Variants in VPS13B observed in about 807,000 individuals in gnomAD.
VPS13B encodes intermembrane lipid transfer protein VPS13B.
Under a neutral mutation model 426.4 loss-of-function variants are expected in VPS13B, and 285 were observed. The ratio of observed to expected loss-of-function variants is 0.67; its 90% CI spans 0.61 to 0.74. VPS13B has a LOEUF of 0.74. Among genes scored for constraint, VPS13B ranks in the 30% least tolerant of loss-of-function variants. The pLI is 0.00. For synonymous variants in VPS13B, 1,676 were observed against 1,676.4 expected, an observed-to-expected ratio of 1.00 and a Z score of 0.01; for missense variants, 4,537 against 4,782.6, an observed-to-expected ratio of 0.95 and a Z score of 1.51.
intron 19 of VPS13B, among the ~76,000 whole-genome samples, chr8:99,284,838 G>A (rs1819351040): frequency 6.6e-6 from 1 of 152,142 alleles, no homozygotes; most frequent in Non-Finnish European, 1.5e-5. Context: ...TGGGCTTATA[G>A]GCGTGAGCCA....
At chr8:99,387,588 A>G (rs1183693926) in intron 20 of VPS13B, among the ~76,000 whole-genome samples, 1 of 152,150 alleles carries the variant, frequency 6.6e-6, no homozygotes, top group African/African-American at 2.4e-5. Context: ...ACTTAAAAAT[A>G]TACTTTAAAA....
At chr8:99,531,976 A>G (rs996912688) in intron 30 of VPS13B, among the ~76,000 whole-genome samples, 2 of 152,154 alleles carry the variant, frequency 1.3e-5, no homozygotes, top group African/African-American at 4.8e-5. Context: ...TTCATTTGTT[A>G]TAACAGAACT....
At position 99,102,987 on chromosome 8, in the gene VPS13B, T is replaced by G; in HGVS notation, c.447T>G (p.Asn149Lys). ...AGAGTCTGATTAGACGAGTTGTAAA[T>G]AATGTAAACATTGTGATAAATAATC... ...YVQSLIRRVVNNVNIVINNLI... is the reference protein window; with the variant it reads ...YVQSLIRRVVKNVNIVINNLI... Residue 149 changes from asparagine (N) to lysine (K), a missense_variant, in exon 5 of 62, where the codon AAT becomes AAG. Physicochemically the swap from Asn to Lys is moderately conservative, Grantham distance 94. Transcript: ENST00000357162. The G allele has an allele frequency of 6.2e-7, 1 of 1,611,914 alleles. No homozygotes were observed. The highest frequency in any genetic ancestry group is 8.5e-7 in the Non-Finnish European group (1 of 1,178,206).
intron 58 of VPS13B, 34 bp downstream of exon 58, chr8:99,861,980 C>G: frequency 1.3e-6 from 2 of 1,548,254 alleles, no homozygotes; most frequent in African/African-American, 1.4e-5. Context: ...CCTGTCTGTA[C>G]TCCAGCAGGC....
intron 29 of VPS13B, among the ~76,000 whole-genome samples, chr8:99,516,821 ATATG>A (rs1478614698): frequency 7.0e-6 from 1 of 141,912 alleles, no homozygotes; most frequent in Non-Finnish European, 1.5e-5. Context: ...AAAAAAAAGT[ATATG>A]TAAGTTGTTT....
chr8:99,090,565 G>A (rs994147956), intron 3 of VPS13B, among the ~76,000 whole-genome samples: 9 of 151,976 alleles, frequency 5.9e-5, no homozygotes, highest in African/African-American at 2.2e-4. Context: ...TGCCTGGCCT[G>A]ATTAACTCTT....
intron 25 of VPS13B, among the ~76,000 whole-genome samples, chr8:99,484,975 A>G (rs1359239502): frequency 1.3e-5 from 2 of 152,142 alleles, no homozygotes; most frequent in African/African-American, 4.8e-5. Flanking sequence ...GCAAATTTCT[A>G]TATACACAGG....
At chr8:99,476,792 G>C (rs1248353246) in intron 24 of VPS13B, among the ~76,000 whole-genome samples, 1 of 152,146 alleles carries the variant, frequency 6.6e-6, no homozygotes, top group Non-Finnish European at 1.5e-5. Flanking sequence ...TCTATCACCA[G>C]TAGGAACTGC....
chr8:99,676,170 C>T (rs1301204087), intron 35 of VPS13B, among the ~76,000 whole-genome samples: 1 of 151,960 alleles, frequency 6.6e-6, no homozygotes, highest in Non-Finnish European at 1.5e-5. Flanking sequence ...CCATGATTGC[C>T]ACAGCCATCA....
intron 24 of VPS13B, among the ~76,000 whole-genome samples, chr8:99,475,252 A>T (rs1819629299): frequency 1.3e-5 from 2 of 152,200 alleles, no homozygotes; most frequent in South Asian, 4.1e-4. Flanking sequence ...TTACAAAGGG[A>T]TATGAAGATA....
At chr8:99,875,016 T>G in intron 61 of VPS13B, 1 of 262,464 alleles carries the variant, frequency 3.8e-6, no homozygotes, top group Non-Finnish European at 7.4e-6. Flanking sequence ...AACAGAGCTT[T>G]TATTTCAGTG....
At chr8:99,780,127 A>G (rs1811940935) in intron 42 of VPS13B, among the ~76,000 whole-genome samples, 1 of 152,258 alleles carries the variant, frequency 6.6e-6, no homozygotes, top group Admixed American at 6.5e-5. Context: ...AGGGCATTCC[A>G]TGGTTTTCTT....
intron 17 of VPS13B, among the ~76,000 whole-genome samples, chr8:99,242,541 G>T (rs915566505): frequency 6.6e-6 from 1 of 152,080 alleles, no homozygotes; most frequent in African/African-American, 2.4e-5. Flanking sequence ...TCAAAATCAT[G>T]TTAACTTTCT....
Position 99,671,271 on chromosome 8 carries a change from T to A in VPS13B, c.6046+9780T>A, listed in dbSNP as rs533306107. Among the ~76,000 whole-genome samples the A allele has an allele frequency of 7.9e-5, 12 of 152,342 alleles. No individual in the cohort carries two copies. The East Asian group carries it at 2.3e-3, about 29-fold the overall frequency. On this transcript the variant is annotated intron_variant, in intron 35 of 61. Transcript: ENST00000357162. Reference sequence around the variant, plus strand: ...CTTTTTCATATACCTGTTGGCCATTTGTATGTCCTCTTTTGAGAAATGTCT... The same window carrying A: ...CTTTTTCATATACCTGTTGGCCATTAGTATGTCCTCTTTTGAGAAATGTCT...
At chr8:99,809,659 G>A (rs1813597990) in intron 44 of VPS13B, 129 bp downstream of exon 44, 3 of 1,089,388 alleles carry the variant, frequency 2.8e-6, no homozygotes, top group African/African-American at 1.6e-5. Context: ...CCATGCATGT[G>A]AGCATTTAAT....
chr8:99,611,404 T>C (rs1221459534), intron 33 of VPS13B, among the ~76,000 whole-genome samples: 1 of 152,148 alleles, frequency 6.6e-6, no homozygotes, highest in Admixed American at 6.6e-5. Flanking sequence ...AATAATCACA[T>C]TATTAATAGT....
rs543344892 is a variant in VPS13B at position 99,207,710 on chromosome 8, C to T, written c.2515+14653C>T. ...AATAGATAAATGAGTTAGATTTCTG[C>T]AGAAAAGATACTTTTTTTGCCTTAT... On this transcript the variant is annotated intron_variant, in intron 17 of 61. Coordinates refer to ENST00000357162, the MANE Select transcript of VPS13B (RefSeq NM_152564.5). Among the ~76,000 whole-genome samples the T allele has an allele frequency of 2.0e-5, 3 of 152,232 alleles. No homozygotes were observed. In the South Asian group the frequency reaches 6.2e-4, roughly 32 times the overall value.
chr8:99,335,710 T>C (rs1810809157), intron 19 of VPS13B, among the ~76,000 whole-genome samples: 1 of 152,144 alleles, frequency 6.6e-6, no homozygotes, highest in African/African-American at 2.4e-5. Flanking sequence ...AGCATTCTTA[T>C]ACACCAATAA....
At chr8:99,140,987 G>A (rs2132574516) in intron 12 of VPS13B, among the ~76,000 whole-genome samples, 1 of 152,162 alleles carries the variant, frequency 6.6e-6, no homozygotes, top group East Asian at 1.9e-4. Flanking sequence ...GTTTAAGGGG[G>A]TTATTACAAA....
Sources: allele counts gnomAD v4.1 joint callset (sites outside exome capture counted in the v4.1 genomes callset), GRCh38; gene constraint gnomAD v4.1.1; transcripts MANE v1.5; gene names NCBI Gene and HGNC (gene_info 2026-07-23, HGNC 2026-07-21).